Variants in LMBRD1 observed in about 807,000 individuals in gnomAD.
The protein encoded by LMBRD1 is LMBR1 domain containing 1.
LMBRD1 carries 64 observed loss-of-function variants against 74.8 expected under a neutral mutation model. The ratio of observed to expected loss-of-function variants is 0.86; its 90% CI spans 0.70 to 1.05. The LOEUF (loss-of-function observed/expected upper bound fraction) is 1.05. Among genes scored for constraint, LMBRD1 ranks in the 50% least tolerant of loss-of-function variants. The pLI is 0.00. For synonymous variants in LMBRD1, 204 were observed against 216.3 expected (o/e 0.94, Z 0.50); for missense variants, 652 against 645.9 (o/e 1.01, Z -0.10).
rs1171152319 is a variant in LMBRD1 at position 69,674,725 on chromosome 6, A to C, written c.*1433T>G. On this transcript the variant is annotated 3_prime_UTR_variant, in exon 16 of 16. Transcript: ENST00000649934. Reference sequence around the variant, plus strand: ...CGTGGTGGCTTATGCCTGTAATCCCAGCACTTTGGGAGGCCACTGTGGGTG... The same window carrying C: ...CGTGGTGGCTTATGCCTGTAATCCCCGCACTTTGGGAGGCCACTGTGGGTG... Among the ~76,000 whole-genome samples the C allele has an allele frequency of 6.6e-6, 1 of 152,198 alleles. No homozygotes were observed. The highest frequency in any genetic ancestry group is 1.5e-5 in the Non-Finnish European group (1 of 68,024).
intron 7 of LMBRD1, among the ~76,000 whole-genome samples, chr6:69,734,209 C>T (rs1216913940): frequency 6.6e-6 from 1 of 152,098 alleles, no homozygotes; most frequent in East Asian, 1.9e-4. Flanking sequence ...CCTTAAGTGG[C>T]CCCTCTCTAC....
chr6:69,725,534 G>C (rs1266027821), intron 7 of LMBRD1, among the ~76,000 whole-genome samples: 1 of 152,024 alleles, frequency 6.6e-6, no homozygotes, highest in African/African-American at 2.4e-5. Context: ...CATAAAAACA[G>C]ACACACGGAC....
In LMBRD1 at chr6:69,676,446, T is replaced by G; in HGVS notation, c.1509+4A>C. 6.2e-7 allele frequency: 1 copy of G among 1,610,736 alleles called. No homozygotes were observed. The highest frequency in any genetic ancestry group is 8.5e-7 in the Non-Finnish European group (1 of 1,177,188). On this transcript the variant is annotated splice_donor_region_variant and intron_variant, in intron 15 of 15. Coordinates refer to ENST00000649934, the MANE Select transcript of LMBRD1 (RefSeq NM_018368.4). ...CAAATCACGCGTGGGATATCTGCAC[T>G]TACCCCAAGAAAGGCCCAGTTACCA...
intron 14 of LMBRD1, among the ~76,000 whole-genome samples, chr6:69,689,155 G>A (rs1022377751): frequency 2.6e-5 from 4 of 152,040 alleles, no homozygotes; most frequent in African/African-American, 7.2e-5. Flanking sequence ...AAATGGAGGC[G>A]AGAAGGAAAG....
chr6:69,698,457 A>G (rs1766053722), intron 13 of LMBRD1, among the ~76,000 whole-genome samples: 1 of 151,994 alleles, frequency 6.6e-6, no homozygotes, highest in African/African-American at 2.4e-5. Context: ...TAAAAACGGA[A>G]AAAAACTAAA....
Position 69,780,535 on chromosome 6 carries a change from A to G in LMBRD1, c.266T>C (p.Val89Ala). Reference sequence around the variant, plus strand: ...TACAGTGTCCTCAATCTGTCTGCTGACATTAGCATTAGCCCAGTCCTAGGA... The same window carrying G: ...TACAGTGTCCTCAATCTGTCTGCTGGCATTAGCATTAGCCCAGTCCTAGGA... ...GTFKDWANAN[V>A]SRQIEDTVLY... The change falls in exon 3 of 16, where the codon GTC becomes GCC. Residue 89 changes from valine (V) to alanine (A), a missense_variant. Around this residue, in one of 3 missense-constraint regions of LMBRD1, gnomAD observed 598 missense variants for 581.8 expected, o/e 1.03. Coordinates refer to ENST00000649934, the MANE Select transcript of LMBRD1 (RefSeq NM_018368.4). 1 of 1,608,866 alleles carries G rather than the reference A, an allele frequency of 6.2e-7. No homozygotes were observed. The highest frequency in any genetic ancestry group is 8.5e-7 in the Non-Finnish European group (1 of 1,175,372).
Position 69,710,670 on chromosome 6 carries a change from A to G in LMBRD1, c.915+2975T>C, listed in dbSNP as rs922361671. Among the ~76,000 whole-genome samples, 4 of 152,288 alleles carry G rather than the reference A, an allele frequency of 2.6e-5. No homozygotes were observed. The East Asian group carries it at 7.7e-4, about 29-fold the overall frequency. On this transcript the variant is annotated intron_variant, in intron 9 of 15. Transcript: ENST00000649934. Reference sequence around the variant, plus strand: ...AACCCTAATTTAGAAAATGGCCAAGAGATTTAAACACACATTTTACAGAAA... The same window carrying G: ...AACCCTAATTTAGAAAATGGCCAAGGGATTTAAACACACATTTTACAGAAA...
At chr6:69,756,698 GA>G (rs1765275883) in intron 3 of LMBRD1, among the ~76,000 whole-genome samples, 1 of 152,168 alleles carries the variant, frequency 6.6e-6, no homozygotes, top group African/African-American at 2.4e-5. Flanking sequence ...TTGATTTGCA[GA>G]GTCCAGGGCA....
At chr6:69,789,725 T>TA (rs1766037734) in intron 2 of LMBRD1, among the ~76,000 whole-genome samples, 1 of 152,158 alleles carries the variant, frequency 6.6e-6, no homozygotes, top group Non-Finnish European at 1.5e-5. Flanking sequence ...CACAGAAGCT[T>TA]AAGCTAGTAA....
intron 12 of LMBRD1, among the ~76,000 whole-genome samples, chr6:69,699,394 TA>T (rs933247353): frequency 1.3e-5 from 2 of 151,834 alleles, no homozygotes; most frequent in Non-Finnish European, 3.0e-5. Flanking sequence ...CTTCTAAACT[TA>T]TTGTGTAACA....
intron 4 of LMBRD1, among the ~76,000 whole-genome samples, chr6:69,751,349 G>A (rs1010231390): frequency 1.3e-5 from 2 of 150,176 alleles, no homozygotes; most frequent in Admixed American, 1.3e-4. Context: ...TTTCTGAGAT[G>A]GAGTCTCGCT....
rs561529806 is a variant in LMBRD1, at chr6:69,708,427, C to T, written c.915+5218G>A. On this transcript the variant is annotated intron_variant, in intron 9 of 15. Transcript: ENST00000649934. ...AGGAACTGCACTGCATACATTATTT[C>T]ATTTAATTCCCACAACAAAATAAAG... 1.7e-4 allele frequency among the ~76,000 whole-genome samples: 26 copies of T among 152,226 alleles called. No individual in the cohort carries two copies. In the South Asian group the frequency reaches 5.4e-3, roughly 32 times the overall value.
intron 14 of LMBRD1, among the ~76,000 whole-genome samples, chr6:69,684,700 A>G (rs896268388): frequency 3.9e-5 from 6 of 152,120 alleles, no homozygotes; most frequent in African/African-American, 1.4e-4. Context: ...CGGAAGTCTA[A>G]TGGACAGAAA....
rs11397050 is a variant in LMBRD1, at chr6:69,779,185, C to CAAAAAAAAAAAAAAAAA, written c.307+1308_307+1309insTTTTTTTTTTTTTTTTT. Among the ~76,000 whole-genome samples the CAAAAAAAAAAAAAAAAA allele has an allele frequency of 2.7e-4, 27 of 100,084 alleles. 1 individual carries two copies. The highest frequency in any genetic ancestry group is 9.9e-4 in the African/African-American group (22 of 22,302). 65.7% of individuals were successfully genotyped at this position (100,084 alleles called of 152,430 possible). A position where few individuals can be genotyped will look rare whatever the true frequency, so the allele number is the denominator to read the frequency against. On this transcript the variant is annotated intron_variant, in intron 3 of 15. Transcript: ENST00000649934. ...TGGGCAACAGGGCGAGACTCAGTCT[C>CAAAAAAAAAAAAAAAAA]AAAAAAAAAAAAAAAACAATTCAAT... is the stretch of plus-strand genomic sequence containing the variant.
chr6:69,790,724 C>T (rs1766062972), intron 1 of LMBRD1: 1 of 472,440 alleles, frequency 2.1e-6, no homozygotes, highest in South Asian at 2.1e-5. Context: ...CATATTTCCT[C>T]ATTAAACACA....
chr6:69,706,962 G>A (rs1358313430), intron 9 of LMBRD1, among the ~76,000 whole-genome samples: 1 of 152,112 alleles, frequency 6.6e-6, no homozygotes, highest in African/African-American at 2.4e-5. Context: ...TTCTCTGCTC[G>A]AGGTCTCACA....
chr6:69,749,626 G>T (rs1447137403), intron 4 of LMBRD1, among the ~76,000 whole-genome samples: 1 of 151,420 alleles, frequency 6.6e-6, no homozygotes, highest in Non-Finnish European at 1.5e-5. Context: ...TCAATAGTTA[G>T]GCCCTTGTAA....
At chr6:69,789,321 A>C (rs1195347477) in intron 2 of LMBRD1, among the ~76,000 whole-genome samples, 1 of 152,096 alleles carries the variant, frequency 6.6e-6, no homozygotes, top group Non-Finnish European at 1.5e-5. Flanking sequence ...CCAGAAGTTT[A>C]AGACCAGCCT....
At chr6:69,750,693 A>G (rs1209115100) in intron 4 of LMBRD1, among the ~76,000 whole-genome samples, 1 of 152,144 alleles carries the variant, frequency 6.6e-6, no homozygotes, top group Non-Finnish European at 1.5e-5. Flanking sequence ...AAGAAGTGAA[A>G]GAGAACGCAT....
Sources: gnomAD v4.1 joint callset for allele counts (sites outside exome capture counted in the v4.1 genomes callset) on GRCh38, gnomAD v4.1.1 for gene constraint, gnomAD v4.1.1 regional missense constraint, MANE v1.5 for transcripts, NCBI Gene and HGNC (gene_info 2026-07-23, HGNC 2026-07-21) for gene names.